SIRT5: variants seen among roughly 807,000 people sequenced by gnomAD.
SIRT5 encodes NAD-dependent protein deacylase sirtuin-5, mitochondrial.
SIRT5 carries 26 observed loss-of-function variants against 40.0 expected under a neutral mutation model. The observed-to-expected ratio is 0.65, with a 90% CI of 0.48 to 0.90. The LOEUF is 0.90. Ranked by LOEUF, SIRT5 falls within the 40% of genes least tolerant of loss-of-function variation. The pLI is 0.00. For missense variants in SIRT5, 401 were observed against 402.4 expected, an observed-to-expected ratio of 1.00 and a Z score of 0.03; for synonymous variants, 146 against 149.1, an observed-to-expected ratio of 0.98 and a Z score of 0.15.
chr6:13,592,011 A>G, intron 5 of SIRT5, 117 bp downstream of exon 5: 1 of 984,392 alleles, frequency 1.0e-6, no homozygotes, highest in Admixed American at 2.6e-5. Flanking sequence ...CCTGTCCTAT[A>G]GGATGCTGTG....
chr6:13,579,388 A>G (rs1339862925), intron 1 of SIRT5, 63 bp from the exon 2 acceptor site: 6 of 152,130 alleles, frequency 3.9e-5, no homozygotes, highest in Non-Finnish European at 7.4e-5. Flanking sequence ...TTACAATCCT[A>G]CCTTCATGCC....
Position 13,584,103 on chromosome 6 carries a change from A to C in SIRT5, c.-8A>C. 1.2e-6 allele frequency: 2 copies of C among 1,611,730 alleles called. No homozygotes were observed. The highest frequency in any genetic ancestry group is 1.7e-6 in the Non-Finnish European group (2 of 1,177,942). Reference sequence around the variant, plus strand: ...CGCCTCAAGCATTAGAACTACAGACAAACCCTGATGCGACCTCTCCAGATT... The same window carrying C: ...CGCCTCAAGCATTAGAACTACAGACCAACCCTGATGCGACCTCTCCAGATT... On this transcript the variant is annotated 5_prime_UTR_variant, in exon 3 of 10. Coordinates refer to ENST00000606117, the MANE Select transcript of SIRT5 (RefSeq NM_012241.5).
At chr6:13,575,849 C>G (rs1758558902) in intron 1 of SIRT5, among the ~76,000 whole-genome samples, 1 of 152,210 alleles carries the variant, frequency 6.6e-6, no homozygotes, top group African/African-American at 2.4e-5. Flanking sequence ...TCATTCTACT[C>G]TGCTTCTATG....
intron 9 of SIRT5, among the ~76,000 whole-genome samples, chr6:13,606,398 G>T (rs1367827669): frequency 6.6e-6 from 1 of 152,150 alleles, no homozygotes. Context: ...TTAGGTAGAA[G>T]AGTTTTATAG....
At chr6:13,579,820 A>G (rs1317691424) in intron 2 of SIRT5, among the ~76,000 whole-genome samples, 2 of 152,206 alleles carry the variant, frequency 1.3e-5, no homozygotes, top group Non-Finnish European at 2.9e-5. Context: ...CCCATACTAC[A>G]CTGTTTATTT....
chr6:13,606,016 C>G (rs1043540308), intron 9 of SIRT5, among the ~76,000 whole-genome samples: 13 of 152,298 alleles, frequency 8.5e-5, no homozygotes, highest in African/African-American at 3.1e-4. Context: ...TATCAGTAAA[C>G]AAAACAAATA....
chr6:13,604,101 T>C (rs1326175071), intron 9 of SIRT5, among the ~76,000 whole-genome samples: 1 of 152,250 alleles, frequency 6.6e-6, no homozygotes, highest in Non-Finnish European at 1.5e-5. Flanking sequence ...TTAAAAATGC[T>C]CTAAAGTTGA....
rs1214432067 is a variant in SIRT5 at position 13,614,161 on chromosome 6, A to G, written c.*2296A>G. On this transcript the variant is annotated 3_prime_UTR_variant, in exon 10 of 10. Coordinates refer to ENST00000606117, the MANE Select transcript of SIRT5 (RefSeq NM_012241.5). ...ATCTACCAGATGATAGACATTAGAAATAAAATGACTAGCAAGACCTGGCCC... is the reference window on the plus strand; with the variant it reads ...ATCTACCAGATGATAGACATTAGAAGTAAAATGACTAGCAAGACCTGGCCC... 1 of 152,252 alleles carries G rather than the reference A, an allele frequency of 6.6e-6. No homozygotes were observed. The highest frequency in any genetic ancestry group is 1.9e-4 in the East Asian group (1 of 5,200). The allele number at this position is 152,252 out of a possible 1,614,324, so 9.4% of individuals were successfully genotyped here.
rs201962490 is a variant in SIRT5 at position 13,611,993 on chromosome 6, A to C, written c.*128A>C. On this transcript the variant is annotated 3_prime_UTR_variant, in exon 10 of 10. Transcript: ENST00000606117. ...AATAGCCTCTGATTCCCTCGCTGGA[A>C]TCCAACCTGTTGATAAGTGATGGGG... 6.7e-5 allele frequency: 55 copies of C among 816,170 alleles called. 1 individual carries two copies. In the South Asian group the frequency reaches 9.8e-4, roughly 15 times the overall value. The allele number at this position is 816,170 out of a possible 1,614,324, so 50.6% of individuals were successfully genotyped here.
At chr6:13,599,508 CATT>C (rs1447181306) in intron 8 of SIRT5, among the ~76,000 whole-genome samples, 1 of 152,122 alleles carries the variant, frequency 6.6e-6, no homozygotes, top group Non-Finnish European at 1.5e-5. Flanking sequence ...AAAATTATCA[CATT>C]ATAAAGAGGA....
At chr6:13,581,072 A>G (rs1209452630) in intron 2 of SIRT5, among the ~76,000 whole-genome samples, 1 of 152,174 alleles carries the variant, frequency 6.6e-6, no homozygotes, top group South Asian at 2.1e-4. Flanking sequence ...AATTTCCTCT[A>G]ATGTTCACAT....
chr6:13,601,004 T>A (rs1762304296), intron 9 of SIRT5, 55 bp downstream of exon 9: 1 of 1,372,122 alleles, frequency 7.3e-7, no homozygotes, highest in South Asian at 1.2e-5. Flanking sequence ...ACAGACATGG[T>A]CATCTAAACA....
At chr6:13,582,114 G>T (rs998685929) in intron 2 of SIRT5, among the ~76,000 whole-genome samples, 6 of 152,176 alleles carry the variant, frequency 3.9e-5, no homozygotes, top group South Asian at 2.1e-4. Context: ...TCTATCTCTC[G>T]CAACTTGCTC....
In SIRT5 at chr6:13,584,193, A is replaced by G. The variant is rs753978673; in HGVS notation, c.83A>G (p.Gln28Arg). ...AAGCCTCCAGCGTCCACACGAAACC[A>G]GATTTGCCTGAAAATGGCTCGGCCA... ...GLKPPASTRN[Q>R]ICLKMARPSS... The change falls in exon 3 of 10, where the codon CAG (glutamine) becomes CGG (arginine). Residue 28 changes from glutamine to arginine, a missense_variant. Gln to Arg is a conservative substitution (Grantham distance 43, BLOSUM62 1). Coordinates refer to ENST00000606117, the MANE Select transcript of SIRT5 (RefSeq NM_012241.5). The G allele has an allele frequency of 3.1e-6, 5 of 1,614,076 alleles. No individual in the cohort carries two copies. The East Asian group carries it at 8.9e-5, about 29-fold the overall frequency.
rs923533302 is a variant in SIRT5, at chr6:13,614,199, G to T, written c.*2334G>T. ...CAAGACCTGGCCCTTCCCCTCAGGG[G>T]TTCACAGAATGGCTGGAGCAACTGT... On this transcript the variant is annotated 3_prime_UTR_variant, in exon 10 of 10. Transcript: ENST00000606117. The T allele has an allele frequency of 6.6e-6, 1 of 152,186 alleles. No individual in the cohort carries two copies. The highest frequency in any genetic ancestry group is 2.4e-5 in the African/African-American group (1 of 41,440). 9.4% of individuals were successfully genotyped at this position (152,186 alleles called of 1,614,324 possible). A position where few individuals can be genotyped will look rare whatever the true frequency, so the allele number is the denominator to read the frequency against.
intron 4 of SIRT5, chr6:13,589,139 A>T (rs1323735948): frequency 6.6e-6 from 1 of 152,526 alleles, no homozygotes; most frequent in Non-Finnish European, 1.5e-5. Flanking sequence ...GAAGACAAGG[A>T]ATTGTTTGAT....
chr6:13,614,348 AATT>A lies in SIRT5; in HGVS notation c.*2484_*2486del, dbSNP rs1048298043. 2 of 152,198 alleles carry A rather than the reference AATT, an allele frequency of 1.3e-5. No homozygotes were observed. The highest frequency in any genetic ancestry group is 4.8e-5 in the African/African-American group (2 of 41,424). 9.4% of individuals were successfully genotyped at this position (152,198 alleles called of 1,614,324 possible). On this transcript the variant is annotated 3_prime_UTR_variant, in exon 10 of 10. Coordinates refer to ENST00000606117, the MANE Select transcript of SIRT5 (RefSeq NM_012241.5). ...GGTGCTTGAAATTTGCCTGGGTGGG[AATT>A]TTTGAAGTATAAAAAGGACTTCTAC...
rs1015026751 is a variant in SIRT5 at position 13,614,358 on chromosome 6, G to C, written c.*2493G>C. On this transcript the variant is annotated 3_prime_UTR_variant, in exon 10 of 10. Transcript: ENST00000606117. Reference sequence around the variant, plus strand: ...ATTTGCCTGGGTGGGAATTTTTGAAGTATAAAAAGGACTTCTACCTGGGGG... The same window carrying C: ...ATTTGCCTGGGTGGGAATTTTTGAACTATAAAAAGGACTTCTACCTGGGGG... 6.6e-6 allele frequency: 1 copy of C among 152,212 alleles called. No homozygotes were observed. Among genetic ancestry groups the C allele is most frequent in the Non-Finnish European group, 1.5e-5 (1 of 68,052 alleles). The allele number at this position is 152,212 out of a possible 1,614,324, so 9.4% of individuals were successfully genotyped here.
At chr6:13,605,781 C>T (rs1300421035) in intron 9 of SIRT5, 2 of 985,324 alleles carry the variant, frequency 2.0e-6, no homozygotes, top group Non-Finnish European at 2.4e-6. Flanking sequence ...GGGGCCTTGG[C>T]TTGTAGGATT....
Sources: allele counts gnomAD v4.1 joint callset (sites outside exome capture counted in the v4.1 genomes callset), GRCh38; gene constraint gnomAD v4.1.1; transcripts MANE v1.5; gene names NCBI Gene and HGNC (gene_info 2026-07-23, HGNC 2026-07-21).